Variants in YIPF5 observed in about 807,000 individuals in gnomAD.
The protein encoded by YIPF5 is protein YIPF5.
Under a neutral mutation model 30.4 loss-of-function variants are expected in YIPF5, and 8 were observed. That is an observed-to-expected ratio of 0.26 (90% confidence interval 0.15 to 0.47). The LOEUF is 0.47. Among genes scored for constraint, YIPF5 ranks in the 20% least tolerant of loss-of-function variants. The pLI is 0.99. For missense variants in YIPF5, 282 were observed against 301.8 expected (o/e 0.93, Z 0.49); for synonymous variants, 104 against 107.9 (o/e 0.96, Z 0.23).
intron 5 of YIPF5, among the ~76,000 whole-genome samples, chr5:144,161,821 A>T (rs1328349699): frequency 6.6e-6 from 1 of 152,232 alleles, no homozygotes; most frequent in Non-Finnish European, 1.5e-5. Context: ...TGTATTTATT[A>T]TTCGTACATT....
In YIPF5 at chr5:144,158,380, C is replaced by T. The variant is rs975879549; in HGVS notation, c.*2017G>A. 1 of 1,190,748 alleles carries T rather than the reference C, an allele frequency of 8.4e-7. No individual in the cohort carries two copies. The highest frequency in any genetic ancestry group is 1.6e-5 in the African/African-American group (1 of 61,618). The allele number at this position is 1,190,748 out of a possible 1,614,324, so 73.8% of individuals were successfully genotyped here. A position where few individuals can be genotyped will look rare whatever the true frequency, so the allele number is the denominator to read the frequency against. On this transcript the variant is annotated 3_prime_UTR_variant, in exon 6 of 6. Coordinates refer to ENST00000274496, the MANE Select transcript of YIPF5 (RefSeq NM_030799.9). ...GGAGCAAAATAAAAAATAACCACCA[C>T]AAAAAAAATCTCTACAATAATTTAA...
In YIPF5 at chr5:144,165,507, T is replaced by C. The variant is rs761753401; in HGVS notation, c.208A>G (p.Thr70Ala). 2.5e-6 allele frequency: 4 copies of C among 1,614,176 alleles called. No homozygotes were observed. The highest frequency in any genetic ancestry group is 2.5e-6 in the Non-Finnish European group (3 of 1,180,020). The part of the protein sequence containing the change: ...QPYTGQIYQP[T>A]QAYTPASPQP... ...GGTGAAGCTGGAGTATATGCCTGAG[T>C]TGGCTGGTAAATCTGCCCGGTGTAT... The change falls in exon 3 of 6, where the codon ACT (threonine) becomes GCT (alanine). Residue 70 changes from threonine to alanine, a missense_variant. Transcript: ENST00000274496.
At position 144,160,158 on chromosome 5, in the gene YIPF5, A is replaced by G; in HGVS notation, c.*239T>C. ...ATGGCTGCAGGAACCAGAAAGAAAT[A>G]GCATTTCTTATCTGTATAAACACAA... On this transcript the variant is annotated 3_prime_UTR_variant, in exon 6 of 6. Transcript: ENST00000274496. 1.7e-6 allele frequency: 2 copies of G among 1,198,626 alleles called. No individual in the cohort carries two copies. The highest frequency in any genetic ancestry group is 2.1e-6 in the Non-Finnish European group (2 of 967,646). 74.2% of individuals were successfully genotyped at this position (1,198,626 alleles called of 1,614,324 possible).
At chr5:144,168,474 T>A (rs554004801) in intron 2 of YIPF5, among the ~76,000 whole-genome samples, 1 of 152,158 alleles carries the variant, frequency 6.6e-6, no homozygotes, top group African/African-American at 2.4e-5. Flanking sequence ...GGACTCTGGC[T>A]CTCCTATACA....
In YIPF5 at chr5:144,164,262, G is replaced by C; in HGVS notation, c.284-6C>G. On this transcript the variant is annotated splice_region_variant and splice_polypyrimidine_tract_variant and intron_variant, in intron 3 of 5. Coordinates refer to ENST00000274496, the MANE Select transcript of YIPF5 (RefSeq NM_030799.9). ...GTCAAAATTGATACCTAACTCTAAA[G>C]AGAAAGAAAATTTAAAAGTTAATTA... 1 of 1,595,406 alleles carries C rather than the reference G, an allele frequency of 6.3e-7. No homozygotes were observed. Among genetic ancestry groups the C allele is most frequent in the Non-Finnish European group, 8.5e-7 (1 of 1,171,868 alleles).
In YIPF5 at chr5:144,165,501, C is replaced by T; in HGVS notation, c.214G>A (p.Ala72Thr). 4 of 1,614,150 alleles carry T rather than the reference C, an allele frequency of 2.5e-6. No individual in the cohort carries two copies. Among genetic ancestry groups the T allele is most frequent in the South Asian group, 1.1e-5 (1 of 91,086 alleles). ...YTGQIYQPTQAYTPASPQPFY... is the reference protein window; with the variant it reads ...YTGQIYQPTQTYTPASPQPFY... ...GGCTGAGGTGAAGCTGGAGTATATGCCTGAGTTGGCTGGTAAATCTGCCCG... is the reference window on the plus strand; with the variant it reads ...GGCTGAGGTGAAGCTGGAGTATATGTCTGAGTTGGCTGGTAAATCTGCCCG... The change falls in exon 3 of 6, where the codon GCA (alanine) becomes ACA (threonine). Residue 72 changes from alanine to threonine, a missense_variant. Coordinates refer to ENST00000274496, the MANE Select transcript of YIPF5 (RefSeq NM_030799.9).
intron 4 of YIPF5, among the ~76,000 whole-genome samples, chr5:144,162,739 T>C (rs1398892567): frequency 1.3e-5 from 2 of 152,186 alleles, no homozygotes; most frequent in African/African-American, 2.4e-5. Context: ...AGAGACAAGA[T>C]GGAAAGCCGT....
At chr5:144,166,623 T>A in intron 2 of YIPF5, among the ~76,000 whole-genome samples, 1 of 152,214 alleles carries the variant, frequency 6.6e-6, no homozygotes, top group East Asian at 1.9e-4. Context: ...AATGCTCAAG[T>A]CTGAATAACC....
chr5:144,167,911 T>TG (rs34382277), intron 2 of YIPF5, among the ~76,000 whole-genome samples: 19,961 of 152,248 alleles, frequency 0.13, 1,614 homozygotes, highest in Admixed American at 0.23. Flanking sequence ...TTAACGGAGA[T>TG]GGACATTTAA....
chr5:144,169,719 T>C (rs530020841), intron 2 of YIPF5, 127 bp downstream of exon 2: 4 of 754,426 alleles, frequency 5.3e-6, no homozygotes, highest in Admixed American at 2.7e-5. Flanking sequence ...GGAAGAAGAT[T>C]ATGCATGAAA....
intron 5 of YIPF5, among the ~76,000 whole-genome samples, chr5:144,161,408 G>A (rs1419062594): frequency 7.3e-6 from 1 of 136,406 alleles, no homozygotes; most frequent in East Asian, 2.3e-4. Flanking sequence ...GCAACAGGGC[G>A]ATCTCGGCTC....
chr5:144,160,373 G>A lies in YIPF5; in HGVS notation c.*24C>T. The A allele has an allele frequency of 6.2e-7, 1 of 1,604,728 alleles. No homozygotes were observed. The highest frequency in any genetic ancestry group is 1.1e-5 in the South Asian group (1 of 90,058). The stretch of plus-strand genomic sequence containing the variant: ...GTCCTTTTTGTACATCTGGCCCACT[G>A]ATGTCCACATCCCAGATAAATTTTC... On this transcript the variant is annotated 3_prime_UTR_variant, in exon 6 of 6. Transcript: ENST00000274496.
Position 144,159,254 on chromosome 5 carries a change from T to C in YIPF5, c.*1143A>G, listed in dbSNP as rs4616931. 0.39 allele frequency: 376,779 copies of C among 975,074 alleles called. 74,894 individuals are homozygous for C. The highest frequency in any genetic ancestry group is 0.62 in the African/African-American group (35,476 of 56,952). The allele number at this position is 975,074 out of a possible 1,614,324, so 60.4% of individuals were successfully genotyped here. On this transcript the variant is annotated 3_prime_UTR_variant, in exon 6 of 6. Transcript: ENST00000274496. ...AGAACAGTAGTTTAGTAAAAGTAAA[T>C]TCAATAACACAGTTAAAATTAATTG...
chr5:144,161,657 T>C (rs375516635), intron 5 of YIPF5, among the ~76,000 whole-genome samples: 3 of 152,164 alleles, frequency 2.0e-5, no homozygotes, highest in African/African-American at 7.2e-5. Flanking sequence ...TACCTATCCT[T>C]TTAACCTAAC....
chr5:144,165,961 T>C (rs758994694), intron 2 of YIPF5, among the ~76,000 whole-genome samples: 1 of 152,236 alleles, frequency 6.6e-6, no homozygotes, highest in Non-Finnish European at 1.5e-5. Flanking sequence ...AGATACACTA[T>C]GAAATAAAAT....
Position 144,164,268 on chromosome 5 carries a change from G to T in YIPF5, c.284-12C>A, listed in dbSNP as rs776806876. On this transcript the variant is annotated splice_polypyrimidine_tract_variant and intron_variant, in intron 3 of 5. Transcript: ENST00000274496. Reference sequence around the variant, plus strand: ...ATTGATACCTAACTCTAAAGAGAAAGAAAATTTAAAAGTTAATTAGGATTT... The same window carrying T: ...ATTGATACCTAACTCTAAAGAGAAATAAAATTTAAAAGTTAATTAGGATTT... 5.7e-6 allele frequency: 9 copies of T among 1,591,298 alleles called. No individual in the cohort carries two copies. The highest frequency in any genetic ancestry group is 6.8e-6 in the Non-Finnish European group (8 of 1,169,386).
chr5:144,167,713 C>T (rs1345314495), intron 2 of YIPF5, among the ~76,000 whole-genome samples: 2 of 151,766 alleles, frequency 1.3e-5, no homozygotes, highest in Non-Finnish European at 2.9e-5. Context: ...ATAGAGGAAA[C>T]CAAAAAATGT....
rs1406469426 is a variant in YIPF5, at chr5:144,158,477, T to C, written c.*1920A>G. ...ATTTGATCCATATGTGATATTTGGC[T>C]GAAGATTAACAGTGTTAAGTCTAAC... On this transcript the variant is annotated 3_prime_UTR_variant, in exon 6 of 6. Transcript: ENST00000274496. 4 of 1,271,340 alleles carry C rather than the reference T, an allele frequency of 3.1e-6. No individual in the cohort carries two copies. In the African/African-American group the frequency reaches 4.7e-5, roughly 15 times the overall value. 78.8% of individuals were successfully genotyped at this position (1,271,340 alleles called of 1,614,324 possible). A position where few individuals can be genotyped will look rare whatever the true frequency, so the allele number is the denominator to read the frequency against.
chr5:144,159,840 G>A lies in YIPF5; in HGVS notation c.*557C>T, dbSNP rs889492600. 5.6e-5 allele frequency: 30 copies of A among 539,092 alleles called. No individual in the cohort carries two copies. The highest frequency in any genetic ancestry group is 7.1e-5 in the Non-Finnish European group (30 of 423,682). 33.4% of individuals were successfully genotyped at this position (539,092 alleles called of 1,614,324 possible). A position where few individuals can be genotyped will look rare whatever the true frequency, so the allele number is the denominator to read the frequency against. On this transcript the variant is annotated 3_prime_UTR_variant, in exon 6 of 6. Transcript: ENST00000274496. ...TCCTGCCTCAGCCTCCTGAGTAGCT[G>A]GGACTACAGGCGCCCGCCACCACGC...
Sources: gnomAD v4.1 joint callset for allele counts (sites outside exome capture counted in the v4.1 genomes callset) on GRCh38, gnomAD v4.1.1 for gene constraint, MANE v1.5 for transcripts, NCBI Gene and HGNC (gene_info 2026-07-23, HGNC 2026-07-21) for gene names.